Variants in ACOX3 observed in about 807,000 individuals in gnomAD.
ACOX3 encodes the protein peroxisomal acyl-coenzyme A oxidase 3.
Under a neutral mutation model 81.5 loss-of-function variants are expected in ACOX3, and 73 were observed. The observed-to-expected ratio is 0.90, with a 90% CI of 0.74 to 1.09. ACOX3 has a LOEUF of 1.09. ACOX3 is among the 50% of genes least tolerant of loss of function. The probability of loss-of-function intolerance (pLI) is 0.00; values close to 1 mark genes in which losing one functional copy is unlikely to be tolerated. For missense variants in ACOX3, 947 were observed against 928.0 expected (o/e 1.02, Z -0.27); for synonymous variants, 387 against 375.1 (o/e 1.03, Z -0.37).
the ACOX3 span, chr4:8,356,608 G>T: frequency 2.2e-6 from 1 of 456,078 alleles, no homozygotes. Flanking sequence ...AATGGTGTAC[G>T]CTAACATGAT....
At chr4:8,367,406 C>T (rs193201780) in intron 17 of ACOX3, among the ~76,000 whole-genome samples, 214 of 152,174 alleles carry the variant, frequency 1.4e-3, no homozygotes, top group Middle Eastern at 0.014. Flanking sequence ...TCACTTGAAC[C>T]TGGGAGGTAG....
chr4:8,414,179 TG>T lies in ACOX3; in HGVS notation c.543+112del. The T allele has an allele frequency of 1.1e-6, 1 of 886,972 alleles. No homozygotes were observed. Among genetic ancestry groups the T allele is most frequent in the Non-Finnish European group, 1.8e-6 (1 of 546,192 alleles). The allele number at this position is 886,972 out of a possible 1,614,324, so 54.9% of individuals were successfully genotyped here. On this transcript the variant is annotated intron_variant, in intron 5 of 17. Coordinates refer to ENST00000356406, the MANE Select transcript of ACOX3 (RefSeq NM_003501.3). This position sits in a 1 kb window ranked among gnomAD's most constrained non-coding sequence, Gnocchi z 6.1. ...GTGGGTATTTCTACACAAGTGTATG[TG>T]GACAGGCCTCTTGCTTTAATGTTTT... is the stretch of plus-strand genomic sequence containing the variant.
intron 11 of ACOX3, among the ~76,000 whole-genome samples, chr4:8,391,007 A>G (rs1034316847): frequency 9.5e-5 from 14 of 147,184 alleles, no homozygotes; most frequent in Admixed American, 3.4e-4. Flanking sequence ...GCATATGTAT[A>G]TGTATGTGTA....
intron 17 of ACOX3, among the ~76,000 whole-genome samples, chr4:8,369,356 C>CG (rs927207533): frequency 3.9e-5 from 6 of 152,162 alleles, no homozygotes; most frequent in African/African-American, 1.4e-4. Flanking sequence ...CCAAGGCTCC[C>CG]GCCAAGTCTT....
rs144866157 is a variant in ACOX3, at chr4:8,423,545, A to G, written c.-14-7010T>C. The stretch of plus-strand genomic sequence containing the variant: ...GCCCAAGGCCTAGTAAAACCATGCA[A>G]TAGCCCCTGCAATACTCCAATTTTA... On this transcript the variant is annotated intron_variant, in intron 1 of 17. Transcript: ENST00000356406. This position sits in a 1 kb window ranked among gnomAD's most constrained non-coding sequence, Gnocchi z 4.2. 0.012 allele frequency among the ~76,000 whole-genome samples: 1,890 copies of G among 152,248 alleles called. 50 individuals carry two copies. Among genetic ancestry groups the G allele is most frequent in the East Asian group, 0.1 (520 of 5,174 alleles).
At position 8,386,423 on chromosome 4, in the gene ACOX3, G is replaced by A. The variant is rs188947734; in HGVS notation, c.1537+2750C>T. Among the ~76,000 whole-genome samples the A allele has an allele frequency of 4.4e-3, 670 of 152,098 alleles. 5 individuals are homozygous for A. The highest frequency in any genetic ancestry group is 0.015 in the African/African-American group (609 of 41,482). On this transcript the variant is annotated intron_variant, in intron 13 of 17. Transcript: ENST00000356406. This position sits in a 1 kb window ranked among gnomAD's most constrained non-coding sequence, Gnocchi z 5.2. The stretch of plus-strand genomic sequence containing the variant: ...CTACTAAAAATACAAAAAATTAGCC[G>A]GGTGTGGTTGTGGGCTCCTGTAGTC...
In ACOX3 at chr4:8,421,737, T is replaced by C. The variant is rs147778798; in HGVS notation, c.-14-5202A>G. Among the ~76,000 whole-genome samples the C allele has an allele frequency of 5.8e-3, 888 of 152,338 alleles. 5 individuals are homozygous for C. The highest frequency in any genetic ancestry group is 0.02 in the African/African-American group (812 of 41,576). On this transcript the variant is annotated intron_variant, in intron 1 of 17. Transcript: ENST00000356406. Reference sequence around the variant, plus strand: ...ACCTAGGGTATGAACCCAGGGAGTCTTGTCCCTGGTGTCCCTCCCAATTTA... The same window carrying C: ...ACCTAGGGTATGAACCCAGGGAGTCCTGTCCCTGGTGTCCCTCCCAATTTA...
At chr4:8,401,552 T>C (rs1388127750) in intron 7 of ACOX3, among the ~76,000 whole-genome samples, 2 of 152,134 alleles carry the variant, frequency 1.3e-5, no homozygotes, top group African/African-American at 4.8e-5. Context: ...GCAGCAACCA[T>C]ATTGGCTCTT....
At chr4:8,357,645 C>CA in the ACOX3 span, 1 of 280,380 alleles carries the variant, frequency 3.6e-6, no homozygotes, top group Non-Finnish European at 6.9e-6. Context: ...ATGACTATTA[C>CA]AAAAAATGTA....
At position 8,390,104 on chromosome 4, in the gene ACOX3, AC is replaced by A. The variant is rs1560178718; in HGVS notation, c.1301-371del. Reference sequence around the variant, plus strand: ...GGTGACAGAGCAAGACCCTGTCTCAACAACAACAACAACAAAAAAAGCCATG... The same window carrying A: ...GGTGACAGAGCAAGACCCTGTCTCAAAACAACAACAACAAAAAAAGCCATG... On this transcript the variant is annotated intron_variant, in intron 11 of 17. Coordinates refer to ENST00000356406, the MANE Select transcript of ACOX3 (RefSeq NM_003501.3). Among the ~76,000 whole-genome samples the A allele has an allele frequency of 6.1e-5, 9 of 147,520 alleles. 1 individual carries two copies. Among genetic ancestry groups the A allele is most frequent in the Non-Finnish European group, 7.4e-5 (5 of 67,442 alleles).
In ACOX3 at chr4:8,367,096, A is replaced by G. The variant is rs1342841625; in HGVS notation, c.1984-16T>C. 6.2e-7 allele frequency: 1 copy of G among 1,612,586 alleles called. No homozygotes were observed. The highest frequency in any genetic ancestry group is 8.5e-7 in the Non-Finnish European group (1 of 1,178,950). On this transcript the variant is annotated splice_polypyrimidine_tract_variant and intron_variant, in intron 17 of 17. Transcript: ENST00000356406. Reference sequence around the variant, plus strand: ...TTTTGTAGAGCTGCAAACAACACGTACACAGCAAGTGAAGACAAAGAAATA... The same window carrying G: ...TTTTGTAGAGCTGCAAACAACACGTGCACAGCAAGTGAAGACAAAGAAATA...
chr4:8,375,155 G>A lies in ACOX3; in HGVS notation c.1654-3C>T, dbSNP rs1487712773. 6.5e-7 allele frequency: 1 copy of A among 1,539,066 alleles called. No homozygotes were observed. The highest frequency in any genetic ancestry group is 8.8e-7 in the Non-Finnish European group (1 of 1,138,492). On this transcript the variant is annotated splice_polypyrimidine_tract_variant and splice_region_variant and intron_variant, in intron 14 of 17. Transcript: ENST00000356406. ...GCCAACGGACGGCCGTGGGACACCT[G>A]GAACACAGGACGGCACCGTGAGGAC...
rs987578590 is a variant in ACOX3 at position 8,386,511 on chromosome 4, A to G, written c.1537+2662T>C. Among the ~76,000 whole-genome samples the G allele has an allele frequency of 6.6e-6, 1 of 150,660 alleles. No individual in the cohort carries two copies. The highest frequency in any genetic ancestry group is 2.4e-5 in the African/African-American group (1 of 40,826). ...AACCTGGGAGGTGGAGCTTGCAGTG[A>G]GCCGAGATCATACCACTGCACTCCA... is the stretch of plus-strand genomic sequence containing the variant. On this transcript the variant is annotated intron_variant, in intron 13 of 17. Coordinates refer to ENST00000356406, the MANE Select transcript of ACOX3 (RefSeq NM_003501.3). This position sits in a 1 kb window ranked among gnomAD's most constrained non-coding sequence, Gnocchi z 5.2.
chr4:8,393,231 AT>A (rs1470337695), intron 10 of ACOX3: 1 of 151,994 alleles, frequency 6.6e-6, no homozygotes, highest in Non-Finnish European at 1.5e-5. Flanking sequence ...CACGCCTATA[AT>A]GCCAGCACTT....
At position 8,389,414 on chromosome 4, in the gene ACOX3, G is replaced by T; in HGVS notation, c.1424-128C>A. 1 of 1,257,878 alleles carries T rather than the reference G, an allele frequency of 7.9e-7. No individual in the cohort carries two copies. Among genetic ancestry groups the T allele is most frequent in the Non-Finnish European group, 1.1e-6 (1 of 907,288 alleles). The allele number at this position is 1,257,878 out of a possible 1,614,324, so 77.9% of individuals were successfully genotyped here. ...CGACGGCCACAGACCCACAGGCGAG[G>T]GTCTGGGTCTCAAGGACCCTCCCCA... is the stretch of plus-strand genomic sequence containing the variant. On this transcript the variant is annotated intron_variant, in intron 12 of 17. Coordinates refer to ENST00000356406, the MANE Select transcript of ACOX3 (RefSeq NM_003501.3). This position sits in a 1 kb window ranked among gnomAD's most constrained non-coding sequence, Gnocchi z 5.3.
chr4:8,374,945 G>T, intron 15 of ACOX3, 33 bp downstream of exon 15: 2 of 1,473,508 alleles, frequency 1.4e-6, no homozygotes, highest in Non-Finnish European at 1.8e-6. Context: ...CTGACTCTGG[G>T]GAGGACAGCA....
At chr4:8,402,632 G>C (rs1363339404) in intron 7 of ACOX3, among the ~76,000 whole-genome samples, 1 of 152,210 alleles carries the variant, frequency 6.6e-6, no homozygotes, top group Non-Finnish European at 1.5e-5. Flanking sequence ...GATCCCTTCT[G>C]TTCCACAAAA....
In ACOX3 at chr4:8,414,945, G is replaced by C. The variant is rs190947311; in HGVS notation, c.379-17C>G. ...TCCAAAAACCTGAAAGTATAACATC[G>C]TCCTATCAACAGGGGGCAGGTAAGA... On this transcript the variant is annotated splice_polypyrimidine_tract_variant and intron_variant, in intron 3 of 17. Transcript: ENST00000356406. The surrounding 1 kb of genome is among the most constrained non-coding windows in gnomAD (Gnocchi z 6.1). The C allele has an allele frequency of 6.8e-6, 11 of 1,613,134 alleles. No individual in the cohort carries two copies. In the South Asian group the frequency reaches 1.2e-4, roughly 18 times the overall value.
intron 1 of ACOX3, among the ~76,000 whole-genome samples, chr4:8,433,694 G>T (rs1365449410): frequency 6.6e-6 from 1 of 152,168 alleles, no homozygotes; most frequent in Non-Finnish European, 1.5e-5. Flanking sequence ...CACATGATTT[G>T]AGTTAGTTTT....
Sources: gnomAD v4.1 joint callset for allele counts (sites outside exome capture counted in the v4.1 genomes callset) on GRCh38, gnomAD v4.1.1 for gene constraint, Gnocchi (gnomAD v3.1) non-coding constraint, MANE v1.5 for transcripts, NCBI Gene and HGNC (gene_info 2026-07-23, HGNC 2026-07-21) for gene names.